SAP130: variants seen among roughly 807,000 people sequenced by gnomAD.
SAP130 encodes the protein Sin3A associated protein 130, also known as histone deacetylase complex subunit SAP130.
In SAP130, 16 loss-of-function variants were observed where a neutral mutation model predicts 103.2. The ratio of observed to expected loss-of-function variants is 0.16; its 90% CI spans 0.10 to 0.24. The LOEUF is 0.24. Among genes scored for constraint, SAP130 ranks in the 10% least tolerant of loss-of-function variants. SAP130 has a pLI of 1.00. For missense variants in SAP130, 990 were observed against 1,359.7 expected (o/e 0.73, Z 4.28); for synonymous variants, 477 against 497.0 (o/e 0.96, Z 0.53).
rs757398671 is a variant in SAP130, at chr2:128,016,464, C to T, written c.432G>A (p.Gly144=). 4 of 1,613,934 alleles carry T rather than the reference C, an allele frequency of 2.5e-6. No individual in the cohort carries two copies. Among genetic ancestry groups the T allele is most frequent in the East Asian group, 2.2e-5 (1 of 44,874 alleles). The change falls in exon 4 of 21, where the codon GGG becomes GGA. Residue 144 remains glycine (G), a synonymous_variant. Coordinates refer to ENST00000643581, the MANE Select transcript of SAP130 (RefSeq NM_001330301.2). ...STLSLPPKVP[G]QVTVTMESSI... is the part of the protein sequence containing the mutation. The stretch of plus-strand genomic sequence containing the variant: ...TACTCTCCATGGTAACGGTAACCTG[C>T]CCTGGAACCTTGGGGGGAAGTGACA...
In SAP130 at chr2:127,941,836, G is replaced by A; in HGVS notation, c.*170C>T. ...GAAGGCAGCTCACTATGTCCAGTCA[G>A]CTCTGATCCTTTCACGCCCTTGGAT... On this transcript the variant is annotated 3_prime_UTR_variant, in exon 21 of 21. Coordinates refer to ENST00000643581, the MANE Select transcript of SAP130 (RefSeq NM_001330301.2). The A allele has an allele frequency of 1.6e-6, 1 of 643,356 alleles. No individual in the cohort carries two copies. Among genetic ancestry groups the A allele is most frequent in the African/African-American group, 1.8e-5 (1 of 54,204 alleles). 39.9% of individuals were successfully genotyped at this position (643,356 alleles called of 1,614,324 possible). A position where few individuals can be genotyped will look rare whatever the true frequency, so the allele number is the denominator to read the frequency against.
At position 127,945,465 on chromosome 2, in the gene SAP130, T is replaced by C. The variant is rs756588343; in HGVS notation, c.2892A>G (p.Leu964=). Residue 964 remains leucine (L), a synonymous_variant, in exon 19 of 21, where the codon TTA becomes TTG. Coordinates refer to ENST00000643581, the MANE Select transcript of SAP130 (RefSeq NM_001330301.2). ...CTAGAACTCCACCTACCAGCTGTAG[T>C]AACTGGGCAGCACAGAGGTGGACTT... ...GWKVHLCAAQ[L]LQLTNLEHDV... is the part of the protein sequence containing the mutation. The C allele has an allele frequency of 1.9e-6, 3 of 1,598,500 alleles. No homozygotes were observed. The African/African-American group carries it at 4.0e-5, about 21-fold the overall frequency.
intron 15 of SAP130, among the ~76,000 whole-genome samples, chr2:127,971,179 C>T (rs1281537364): frequency 1.3e-5 from 2 of 152,032 alleles, no homozygotes; most frequent in Admixed American, 1.3e-4. Flanking sequence ...TATCGAACCC[C>T]CGGGCTCCCC....
chr2:128,004,511 G>A (rs10189478), intron 7 of SAP130, among the ~76,000 whole-genome samples: 3,949 of 151,846 alleles, frequency 0.026, 126 homozygotes, highest in East Asian at 0.14. Flanking sequence ...CCAGCCTGAA[G>A]AGAGAATTTC....
chr2:128,018,422 T>C (rs1480360934), intron 2 of SAP130, among the ~76,000 whole-genome samples: 1 of 139,032 alleles, frequency 7.2e-6, no homozygotes, highest in Non-Finnish European at 1.5e-5. Context: ...AAGGCAGAGG[T>C]TGCAGTGAGC....
At chr2:128,006,803 C>A (rs1684010710) in intron 7 of SAP130, among the ~76,000 whole-genome samples, 1 of 152,168 alleles carries the variant, frequency 6.6e-6, no homozygotes, top group African/African-American at 2.4e-5. Context: ...ATGAAACCAG[C>A]TGGATCTGGT....
At chr2:127,998,672 A>C (rs1476639028) in intron 10 of SAP130, among the ~76,000 whole-genome samples, 2 of 152,256 alleles carry the variant, frequency 1.3e-5, no homozygotes, top group African/African-American at 4.8e-5. Context: ...CTTTTTAGTG[A>C]GTCTACTTCC....
At chr2:128,014,669 G>T in intron 5 of SAP130, 134 bp downstream of exon 5, 9 of 633,508 alleles carry the variant, frequency 1.4e-5, no homozygotes, top group East Asian at 8.7e-5. Flanking sequence ...AGGTTTATTT[G>T]GTTCACGGTT....
At chr2:127,963,951 G>T (rs1048295225) in intron 15 of SAP130, among the ~76,000 whole-genome samples, 1 of 152,170 alleles carries the variant, frequency 6.6e-6, no homozygotes, top group Non-Finnish European at 1.5e-5. Context: ...TTTTTTATGG[G>T]TTATCTTGAT....
At position 127,993,168 on chromosome 2, in the gene SAP130, T is replaced by C. The variant is rs1483148318; in HGVS notation, c.1477+19A>G. On this transcript the variant is annotated intron_variant, in intron 12 of 20. Coordinates refer to ENST00000643581, the MANE Select transcript of SAP130 (RefSeq NM_001330301.2). The stretch of plus-strand genomic sequence containing the variant: ...AAAAGTTAAACTGTGAAAAGTCATC[T>C]AAAAAGCAGGGCTCATACCTGGATA... The C allele has an allele frequency of 6.2e-7, 1 of 1,613,486 alleles. No individual in the cohort carries two copies. The highest frequency in any genetic ancestry group is 8.5e-7 in the Non-Finnish European group (1 of 1,179,738).
At chr2:127,959,250 G>GA (rs1553502971) in intron 15 of SAP130, among the ~76,000 whole-genome samples, 3 of 152,056 alleles carry the variant, frequency 2.0e-5, no homozygotes, top group Non-Finnish European at 4.4e-5. Context: ...TGATAACATG[G>GA]AAATGCAAAA....
At chr2:127,970,281 G>A (rs533345054) in intron 15 of SAP130, among the ~76,000 whole-genome samples, 1 of 148,872 alleles carries the variant, frequency 6.7e-6, no homozygotes, top group African/African-American at 2.5e-5. Flanking sequence ...AGTGGCTCAT[G>A]CCTGTAATCC....
chr2:128,010,945 T>C (rs1201652648), intron 6 of SAP130, among the ~76,000 whole-genome samples: 22 of 137,392 alleles, frequency 1.6e-4, no homozygotes, highest in Admixed American at 7.2e-5. Context: ...CACTGACAAG[T>C]GTTTTGAAAA....
chr2:128,012,078 T>A (rs1238530244), intron 6 of SAP130, among the ~76,000 whole-genome samples: 5 of 152,120 alleles, frequency 3.3e-5, no homozygotes, highest in Non-Finnish European at 7.3e-5. Context: ...CCTCCCAAAA[T>A]GCTGGGAATT....
Position 127,978,231 on chromosome 2 carries a change from T to C in SAP130, c.1959-142A>G, listed in dbSNP as rs1191822590. The C allele has an allele frequency of 6.4e-6, 4 of 625,950 alleles. No homozygotes were observed. In the African/African-American group the frequency reaches 7.4e-5, roughly 12 times the overall value. The allele number at this position is 625,950 out of a possible 1,614,324, so 38.8% of individuals were successfully genotyped here. A position where few individuals can be genotyped will look rare whatever the true frequency, so the allele number is the denominator to read the frequency against. On this transcript the variant is annotated intron_variant, in intron 14 of 20. Coordinates refer to ENST00000643581, the MANE Select transcript of SAP130 (RefSeq NM_001330301.2). ...TAAGTATTTTTAAAATGGATTTTCA[T>C]TTTCTCGGATACCACAGACACATTA...
intron 15 of SAP130, among the ~76,000 whole-genome samples, chr2:127,956,088 T>C (rs570395082): frequency 1.4e-4 from 21 of 152,244 alleles, no homozygotes; most frequent in African/African-American, 5.1e-4. Context: ...GGGACTGAGG[T>C]TGAGCTGATT....
rs554339713 is a variant in SAP130, at chr2:127,950,377, A to T, written c.2454T>A (p.Ser818=). The part of the protein sequence containing the change: ...AVPPLATNTV[S]PSLALLANNL... ...TGTTTGCCAGCAATGCAAGAGATGG[A>T]GACACAGTGTTGGTAGCCAGTGGAG... Residue 818 remains serine (S), a synonymous_variant, in exon 17 of 21, where the codon TCT becomes TCA. Coordinates refer to ENST00000643581, the MANE Select transcript of SAP130 (RefSeq NM_001330301.2). 31 of 1,614,218 alleles carry T rather than the reference A, an allele frequency of 1.9e-5. No homozygotes were observed. In the South Asian group the frequency reaches 3.3e-4, roughly 17 times the overall value.
At chr2:127,959,423 T>C (rs1270451804) in intron 15 of SAP130, among the ~76,000 whole-genome samples, 1 of 151,660 alleles carries the variant, frequency 6.6e-6, no homozygotes. Flanking sequence ...CTGAGAAGAG[T>C]CTAGACTTAC....
At chr2:128,023,604 AC>A (rs1685295293) in intron 2 of SAP130, among the ~76,000 whole-genome samples, 1 of 152,046 alleles carries the variant, frequency 6.6e-6, no homozygotes, top group Admixed American at 6.6e-5. Context: ...ACAGTGAAAC[AC>A]CGTCTCTACT....
Sources: allele counts gnomAD v4.1 joint callset (sites outside exome capture counted in the v4.1 genomes callset), GRCh38; gene constraint gnomAD v4.1.1; transcripts MANE v1.5; gene names NCBI Gene and HGNC (gene_info 2026-07-23, HGNC 2026-07-21).